The following ORC3 variants were observed in gnomAD, a reference collection of about 807,000 sequenced individuals.
ORC3 encodes origin recognition complex subunit 3, also known as homolog of latheo, Drosophila.
Under a neutral mutation model 100.7 loss-of-function variants are expected in ORC3, and 78 were observed. The observed-to-expected ratio is 0.77, with a 90% CI of 0.65 to 0.94. The LOEUF is 0.94. Among genes scored for constraint, ORC3 ranks in the 40% least tolerant of loss-of-function variants. The pLI, the probability that ORC3 is intolerant of heterozygous loss-of-function variation, is 0.00. For synonymous variants in ORC3, 295 were observed against 289.3 expected, an observed-to-expected ratio of 1.02 and a Z score of -0.20; for missense variants, 789 against 823.9, an observed-to-expected ratio of 0.96 and a Z score of 0.52.
intron 11 of ORC3, among the ~76,000 whole-genome samples, chr6:87,627,652 T>C (rs1780023740): frequency 7.5e-6 from 1 of 133,322 alleles, no homozygotes; most frequent in Admixed American, 7.3e-5. Context: ...TGTATTATAA[T>C]ATACAATCTA....
chr6:87,591,826 G>A (rs1053638987), intron 1 of ORC3, among the ~76,000 whole-genome samples: 3 of 151,876 alleles, frequency 2.0e-5, no homozygotes, highest in Admixed American at 6.6e-5. Flanking sequence ...CCACCTCCCC[G>A]ATTCAAGCTA....
chr6:87,608,583 C>G (rs372105482), intron 6 of ORC3, among the ~76,000 whole-genome samples: 3 of 152,172 alleles, frequency 2.0e-5, no homozygotes, highest in African/African-American at 7.2e-5. Context: ...ATTTGCTCCA[C>G]AATTTTAGAC....
chr6:87,650,001 A>G (rs1769121519), intron 13 of ORC3, among the ~76,000 whole-genome samples: 1 of 150,248 alleles, frequency 6.7e-6, no homozygotes, highest in Non-Finnish European at 1.5e-5. Context: ...TGATTACATT[A>G]TATGGATATG....
chr6:87,613,716 A>G (rs1778951910), intron 8 of ORC3, among the ~76,000 whole-genome samples: 1 of 152,164 alleles, frequency 6.6e-6, no homozygotes, highest in Non-Finnish European at 1.5e-5. Context: ...CCCCATGCAA[A>G]TCTGAAATCC....
At chr6:87,666,151 G>A (rs1449740811) in intron 19 of ORC3, among the ~76,000 whole-genome samples, 3 of 151,864 alleles carry the variant, frequency 2.0e-5, no homozygotes, top group Non-Finnish European at 2.9e-5. Flanking sequence ...GTTTGTTTTT[G>A]AGACGGAGTC....
chr6:87,626,892 A>G (rs1779939315), intron 11 of ORC3, among the ~76,000 whole-genome samples: 1 of 152,148 alleles, frequency 6.6e-6, no homozygotes, highest in Non-Finnish European at 1.5e-5. Context: ...GAAAACAAAT[A>G]TAATGATAAA....
chr6:87,644,079 C>CTTTTTTTTTTTT lies in ORC3; in HGVS notation c.1382+7613_1382+7624dup, dbSNP rs1156943778. 8.6e-4 allele frequency among the ~76,000 whole-genome samples: 44 copies of CTTTTTTTTTTTT among 51,416 alleles called. 6 individuals are homozygous for CTTTTTTTTTTTT. Among genetic ancestry groups the CTTTTTTTTTTTT allele is most frequent in the African/African-American group, 2.2e-3 (23 of 10,516 alleles). 33.7% of individuals were successfully genotyped at this position (51,416 alleles called of 152,430 possible). ...CCACAGATACAGATGGCTGACTGTC[C>CTTTTTTTTTTTT]TTTTTTTTTTTTTTTTTTTTTTTTT... On this transcript the variant is annotated intron_variant, in intron 13 of 19. Transcript: ENST00000392844.
chr6:87,596,362 C>T (rs1242302576), intron 2 of ORC3, among the ~76,000 whole-genome samples: 1 of 150,906 alleles, frequency 6.6e-6, no homozygotes, highest in Non-Finnish European at 1.5e-5. Context: ...CTCGAACTCC[C>T]GGCCTTGTGA....
At chr6:87,602,525 A>G (rs894188443) in intron 3 of ORC3, among the ~76,000 whole-genome samples, 4 of 149,936 alleles carry the variant, frequency 2.7e-5, no homozygotes, top group Non-Finnish European at 5.9e-5. Context: ...TGCCTTTCGG[A>G]AGGTTATATA....
intron 13 of ORC3, among the ~76,000 whole-genome samples, chr6:87,638,479 G>A (rs1183857549): frequency 6.6e-6 from 1 of 152,194 alleles, no homozygotes; most frequent in African/African-American, 2.4e-5. Flanking sequence ...ACTGCTTAAG[G>A]TACTATTAGA....
intron 1 of ORC3, among the ~76,000 whole-genome samples, chr6:87,590,439 C>A (rs1307417182): frequency 2.0e-5 from 3 of 152,140 alleles, no homozygotes; most frequent in Non-Finnish European, 4.4e-5. Context: ...GGTCGGATGT[C>A]CTGATGATGT....
chr6:87,626,917 AAAT>A (rs1307271783), intron 11 of ORC3, among the ~76,000 whole-genome samples: 2 of 152,114 alleles, frequency 1.3e-5, no homozygotes, highest in African/African-American at 4.8e-5. Context: ...TTATAAATGA[AAAT>A]AATAACTTGT....
chr6:87,634,374 G>GT (rs923488671), intron 11 of ORC3, among the ~76,000 whole-genome samples: 30 of 152,098 alleles, frequency 2.0e-4, no homozygotes, highest in African/African-American at 7.2e-4. Flanking sequence ...ACACACTTGA[G>GT]TAGTACTTTA....
At chr6:87,674,765 C>T in the ORC3 span, among the ~76,000 whole-genome samples, 6 of 151,006 alleles carry the variant, frequency 4.0e-5, no homozygotes, top group South Asian at 2.1e-4. Context: ...TGAGCCACCG[C>T]GCCCAGCAGA....
At chr6:87,651,632 T>G (rs1419101676) in intron 13 of ORC3, among the ~76,000 whole-genome samples, 1 of 152,176 alleles carries the variant, frequency 6.6e-6, no homozygotes, top group East Asian at 1.9e-4. Flanking sequence ...CTGTGGAAAT[T>G]TACTATTTGG....
chr6:87,656,126 C>T (rs551475526), intron 14 of ORC3, among the ~76,000 whole-genome samples: 1 of 152,158 alleles, frequency 6.6e-6, no homozygotes, highest in Non-Finnish European at 1.5e-5. Flanking sequence ...TTTTCTTTCC[C>T]TTTGCTAAAG....
intron 11 of ORC3, among the ~76,000 whole-genome samples, chr6:87,629,755 A>G (rs1312436240): frequency 1.3e-5 from 2 of 152,078 alleles, no homozygotes; most frequent in Non-Finnish European, 2.9e-5. Flanking sequence ...CTCTGTATAT[A>G]CATGTGTACC....
chr6:87,606,557 G>T (rs1211143154), intron 5 of ORC3, among the ~76,000 whole-genome samples: 1 of 151,538 alleles, frequency 6.6e-6, no homozygotes, highest in Non-Finnish European at 1.5e-5. Context: ...TTGAGACAGG[G>T]TCTCACTCTG....
rs538863244 is a variant in ORC3, at chr6:87,595,452, G to A, written c.79+1045G>A. The A allele has an allele frequency of 2.0e-5, 3 of 152,242 alleles. No individual in the cohort carries two copies. The South Asian group carries it at 6.2e-4, about 32-fold the overall frequency. The allele number at this position is 152,242 out of a possible 1,614,324, so 9.4% of individuals were successfully genotyped here. On this transcript the variant is annotated intron_variant, in intron 2 of 19. Transcript: ENST00000392844. ...GTTATTATGGATTGTTACCACCTTG[G>A]CCTTATAGTTTGTGTTCCAAGACTC...
Sources: allele counts gnomAD v4.1 joint callset (sites outside exome capture counted in the v4.1 genomes callset), GRCh38; gene constraint gnomAD v4.1.1; transcripts MANE v1.5; gene names NCBI Gene and HGNC (gene_info 2026-07-23, HGNC 2026-07-21).